EXOC6B: variants seen among roughly 807,000 people sequenced by gnomAD.
The protein encoded by EXOC6B is exocyst complex component 6B.
A neutral mutation model predicts 113.5 loss-of-function variants in EXOC6B; 54 were observed. That is an observed-to-expected ratio of 0.48 (90% CI 0.38 to 0.60). The LOEUF (loss-of-function observed/expected upper bound fraction) is 0.60, where lower values mean the gene tolerates loss of function less well. EXOC6B is among the 20% of genes least tolerant of loss of function. The probability of loss-of-function intolerance (pLI) is 0.00; values close to 1 mark genes in which losing one functional copy is unlikely to be tolerated. For missense variants in EXOC6B, 797 were observed against 977.5 expected (o/e 0.82, Z 2.46); for synonymous variants, 357 against 339.0 (o/e 1.05, Z -0.58).
intron 6 of EXOC6B, among the ~76,000 whole-genome samples, chr2:72,680,711 C>T (rs1008208445): frequency 6.6e-6 from 1 of 150,430 alleles, no homozygotes; most frequent in Admixed American, 6.7e-5. Context: ...TGCACTACGG[C>T]GTGGGTGACA....
intron 18 of EXOC6B, among the ~76,000 whole-genome samples, chr2:72,431,951 C>A (rs1325873077): frequency 6.6e-6 from 1 of 152,172 alleles, no homozygotes; most frequent in African/African-American, 2.4e-5. Flanking sequence ...TCCCACTTCA[C>A]CATGTCCCTA....
chr2:72,480,688 A>G lies in EXOC6B; in HGVS notation c.1728T>C (p.Phe576=), dbSNP rs771133780. The G allele has an allele frequency of 3.8e-6, 6 of 1,594,214 alleles. No individual in the cohort carries two copies. Among genetic ancestry groups the G allele is most frequent in the South Asian group, 2.3e-5 (2 of 87,646 alleles). ...GAAGCACATTAGTGATGTTGGTGAT[A>G]AATTCTTCCAAGTACTTACAGGATT... ...LEKSCKYLEE[F]ITNITNVLPE... Residue 576 remains phenylalanine, a synonymous_variant, in exon 17 of 22, where the codon TTT becomes TTC. Coordinates refer to ENST00000272427, the MANE Select transcript of EXOC6B (RefSeq NM_015189.3).
intron 11 of EXOC6B, among the ~76,000 whole-genome samples, chr2:72,512,582 C>CT (rs139701703): frequency 1.3e-5 from 2 of 151,166 alleles, no homozygotes; most frequent in Non-Finnish European, 3.0e-5. Context: ...ATGTTATGAA[C>CT]TTTTTTTTTC....
intron 20 of EXOC6B, among the ~76,000 whole-genome samples, chr2:72,318,955 C>T (rs1027862755): frequency 6.0e-5 from 9 of 150,616 alleles, no homozygotes; most frequent in African/African-American, 2.2e-4. Context: ...TTCTATAAAA[C>T]TGATGCATGA....
chr2:72,442,325 C>T (rs1696255520), intron 18 of EXOC6B, among the ~76,000 whole-genome samples: 1 of 151,940 alleles, frequency 6.6e-6, no homozygotes, highest in African/African-American at 2.4e-5. Flanking sequence ...GAACACATTC[C>T]CCCCCGCAAA....
At chr2:72,535,756 G>C (rs1227191667) in intron 8 of EXOC6B, among the ~76,000 whole-genome samples, 1 of 151,822 alleles carries the variant, frequency 6.6e-6, no homozygotes, top group Non-Finnish European at 1.5e-5. Flanking sequence ...TGTAATCCTA[G>C]CTACTAGGGA....
At chr2:72,420,848 C>T (rs1193053486) in intron 18 of EXOC6B, among the ~76,000 whole-genome samples, 5 of 152,142 alleles carry the variant, frequency 3.3e-5, no homozygotes, top group African/African-American at 9.7e-5. Context: ...TTTACACTCC[C>T]ACCAACAACG....
At chr2:72,749,960 A>G (rs1437248939) in intron 1 of EXOC6B, among the ~76,000 whole-genome samples, 2 of 151,734 alleles carry the variant, frequency 1.3e-5, no homozygotes, top group African/African-American at 2.4e-5. Context: ...TGTATATGTT[A>G]TGTATACTAT....
At chr2:72,498,659 T>A in intron 12 of EXOC6B, 108 bp from the exon 13 acceptor site, 1 of 612,152 alleles carries the variant, frequency 1.6e-6, no homozygotes, top group East Asian at 2.9e-5. Flanking sequence ...AAACATTACA[T>A]TCTTTGAACA....
intron 18 of EXOC6B, among the ~76,000 whole-genome samples, chr2:72,383,901 A>C (rs1409956722): frequency 6.6e-6 from 1 of 152,166 alleles, no homozygotes; most frequent in Non-Finnish European, 1.5e-5. Context: ...GCAGGAACAG[A>C]AAACCAAATG....
At chr2:72,365,630 A>C (rs2105001169) in intron 19 of EXOC6B, among the ~76,000 whole-genome samples, 1 of 152,302 alleles carries the variant, frequency 6.6e-6, no homozygotes, top group African/African-American at 2.4e-5. Flanking sequence ...AGAAAGGAGG[A>C]TGCTACAAAA....
chr2:72,423,723 G>A lies in EXOC6B; in HGVS notation c.1980+41437C>T, dbSNP rs149831552. On this transcript the variant is annotated intron_variant, in intron 18 of 21. Coordinates refer to ENST00000272427, the MANE Select transcript of EXOC6B (RefSeq NM_015189.3). The stretch of plus-strand genomic sequence containing the variant: ...TACTCACACATACATGCATGCACCC[G>A]TGTGTGTGCATGCACATACATACAC... 2.8e-3 allele frequency among the ~76,000 whole-genome samples: 419 copies of A among 152,050 alleles called. 2 individuals carry two copies. Among genetic ancestry groups the A allele is most frequent in the South Asian group, 0.016 (79 of 4,818 alleles).
Position 72,379,744 on chromosome 2 carries a change from C to T in EXOC6B, c.2107G>A (p.Val703Ile), listed in dbSNP as rs370177880. ...ACTGTCTTACGTTCACATTCTCTGA[C>T]GTCCAAGTTGAACTGCTGTAATGCT... ...LGALQQFNLD[V>I]RECEQFARSG... The change falls in exon 19 of 22, where the codon GTC (valine) becomes ATC (isoleucine). Residue 703 changes from valine (V) to isoleucine (I), a missense_variant. By Grantham distance (29) the Val-to-Ile change is conservative (BLOSUM62 3). Transcript: ENST00000272427. 43 of 1,611,226 alleles carry T rather than the reference C, an allele frequency of 2.7e-5. No individual in the cohort carries two copies. In the Admixed American group the frequency reaches 3.2e-4, roughly 12 times the overall value.
chr2:72,221,604 T>C (rs1680872542), intron 20 of EXOC6B, among the ~76,000 whole-genome samples: 1 of 152,200 alleles, frequency 6.6e-6, no homozygotes, highest in Non-Finnish European at 1.5e-5. Context: ...ATTTCCTTAC[T>C]CGTCTACCCT....
intron 1 of EXOC6B, among the ~76,000 whole-genome samples, chr2:72,762,136 T>C (rs1285011628): frequency 2.0e-5 from 3 of 149,758 alleles, no homozygotes; most frequent in South Asian, 2.1e-4. Flanking sequence ...CCCAGCCACT[T>C]GGGAAGCTGA....
intron 18 of EXOC6B, among the ~76,000 whole-genome samples, chr2:72,420,023 C>T (rs1036369451): frequency 6.6e-6 from 1 of 152,082 alleles, no homozygotes; most frequent in African/African-American, 2.4e-5. Flanking sequence ...TAAACTCTTC[C>T]CATTATCTTC....
chr2:72,778,545 T>C (rs560181803), intron 1 of EXOC6B, among the ~76,000 whole-genome samples: 226 of 152,344 alleles, frequency 1.5e-3, no homozygotes, highest in African/African-American at 5.3e-3. Flanking sequence ...ACAAATGTGC[T>C]GTATACTAGT....
At chr2:72,501,180 A>T (rs1281493457) in intron 11 of EXOC6B, among the ~76,000 whole-genome samples, 2 of 152,150 alleles carry the variant, frequency 1.3e-5, no homozygotes, top group African/African-American at 4.8e-5. Flanking sequence ...TGTCCCCTCC[A>T]AATCTTACAT....
At chr2:72,799,072 C>G (rs774796649) in intron 1 of EXOC6B, among the ~76,000 whole-genome samples, 57 of 151,548 alleles carry the variant, frequency 3.8e-4, no homozygotes, top group Admixed American at 1.6e-3. Flanking sequence ...AACCTCGTCT[C>G]TACAAAAAAA....
Sources: gnomAD v4.1 joint callset for allele counts (sites outside exome capture counted in the v4.1 genomes callset) on GRCh38, gnomAD v4.1.1 for gene constraint, MANE v1.5 for transcripts, NCBI Gene and HGNC (gene_info 2026-07-23, HGNC 2026-07-21) for gene names.